The following CNTN5 variants were observed in gnomAD, a reference collection of about 807,000 sequenced individuals.
CNTN5 encodes the protein contactin-5.
In CNTN5, 77 loss-of-function variants were observed where a neutral mutation model predicts 129.1. That is an observed-to-expected ratio of 0.60 (90% CI 0.50 to 0.72). CNTN5 has a LOEUF of 0.72. Among genes scored for constraint, CNTN5 ranks in the 30% least tolerant of loss-of-function variants. The probability of loss-of-function intolerance (pLI) is 0.00; values close to 1 mark genes in which losing one functional copy is unlikely to be tolerated. For missense variants in CNTN5, 1,478 were observed against 1,328.8 expected, an observed-to-expected ratio of 1.11 and a Z score of -1.75; for synonymous variants, 509 against 465.6, an observed-to-expected ratio of 1.09 and a Z score of -1.20.
intron 13 of CNTN5, among the ~76,000 whole-genome samples, chr11:100,096,159 C>T (rs11222744): frequency 0.058 from 8,742 of 150,214 alleles, 841 homozygotes; most frequent in African/African-American, 0.21. Context: ...ACAAGAAACC[C>T]ATGTTTTTAT....
At chr11:99,977,105 C>T (rs1267816738) in intron 8 of CNTN5, among the ~76,000 whole-genome samples, 3 of 152,140 alleles carry the variant, frequency 2.0e-5, no homozygotes, top group South Asian at 4.1e-4. Context: ...TTCATAGTTC[C>T]ACAGATATCT....
rs183265827 is a variant in CNTN5 at position 99,173,813 on chromosome 11, C to A, written c.-209-151533C>A. 4.4e-3 allele frequency among the ~76,000 whole-genome samples: 669 copies of A among 152,178 alleles called. 1 individual carries two copies. Among genetic ancestry groups the A allele is most frequent in the Non-Finnish European group, 5.7e-3 (388 of 68,018 alleles). On this transcript the variant is annotated intron_variant, in intron 1 of 24. Transcript: ENST00000524871. ...TATTTGAATAAAATATTTAATGGAG[C>A]CATCAAAGCCTGAATATCAGTTATT... is the stretch of plus-strand genomic sequence containing the variant.
rs549115828 is a variant in CNTN5 at position 99,228,073 on chromosome 11, T to C, written c.-209-97273T>C. Among the ~76,000 whole-genome samples the C allele has an allele frequency of 5.3e-5, 8 of 152,294 alleles. No homozygotes were observed. The East Asian group carries it at 1.5e-3, about 29-fold the overall frequency. On this transcript the variant is annotated intron_variant, in intron 1 of 24. Coordinates refer to ENST00000524871, the MANE Select transcript of CNTN5 (RefSeq NM_014361.4). ...GTTGTTGGATATTTTCACTTTTTTT[T>C]TGAAACTGTAAAGAGAATTACGTTA...
In CNTN5 at chr11:99,946,886, T is replaced by A. The variant is rs888501477; in HGVS notation, c.674-9920T>A. Among the ~76,000 whole-genome samples the A allele has an allele frequency of 2.4e-4, 36 of 152,070 alleles. 1 individual carries two copies. The highest frequency in any genetic ancestry group is 1.7e-3 in the South Asian group (8 of 4,822). The stretch of plus-strand genomic sequence containing the variant: ...AAAAAAATTGTCTAGTAAGATATGA[T>A]GATGTCTACTTTGCAAATATATTTT... On this transcript the variant is annotated intron_variant, in intron 7 of 24. Coordinates refer to ENST00000524871, the MANE Select transcript of CNTN5 (RefSeq NM_014361.4).
intron 3 of CNTN5, among the ~76,000 whole-genome samples, chr11:99,737,877 TATC>T (rs1004520758): frequency 6.6e-6 from 1 of 152,136 alleles, no homozygotes; most frequent in East Asian, 1.9e-4. Flanking sequence ...TAAAATAAAA[TATC>T]ATACCATCGG....
At chr11:99,548,903 C>T (rs770784957) in intron 2 of CNTN5, among the ~76,000 whole-genome samples, 7 of 152,034 alleles carry the variant, frequency 4.6e-5, no homozygotes, top group Non-Finnish European at 8.8e-5. Flanking sequence ...AAAATCTTAG[C>T]AATTATCTAT....
rs10630841 is a variant in CNTN5 at position 99,433,361 on chromosome 11, T to TAA, written c.-71+107886_-71+107887dup. On this transcript the variant is annotated intron_variant, in intron 2 of 24. Coordinates refer to ENST00000524871, the MANE Select transcript of CNTN5 (RefSeq NM_014361.4). ...ATAATTTTCCTTGTAGTTTATCTGGTAAAAAAAAAATGTGTGTGTGTGTGT... is the reference window on the plus strand; with the variant it reads ...ATAATTTTCCTTGTAGTTTATCTGGTAAAAAAAAAAAATGTGTGTGTGTGTGT... 7.8e-3 allele frequency among the ~76,000 whole-genome samples: 1,042 copies of TAA among 133,616 alleles called. 18 individuals carry two copies. Among genetic ancestry groups the TAA allele is most frequent in the African/African-American group, 0.026 (917 of 35,094 alleles). 87.7% of individuals were successfully genotyped at this position (133,616 alleles called of 152,430 possible). A position where few individuals can be genotyped will look rare whatever the true frequency, so the allele number is the denominator to read the frequency against.
intron 4 of CNTN5, among the ~76,000 whole-genome samples, chr11:99,835,294 A>G (rs1362969854): frequency 6.6e-6 from 1 of 152,198 alleles, no homozygotes; most frequent in East Asian, 1.9e-4. Flanking sequence ...GCCTGAGTGA[A>G]AAAAGGAATG....
chr11:99,197,903 C>T (rs961027001), intron 1 of CNTN5, among the ~76,000 whole-genome samples: 3 of 152,042 alleles, frequency 2.0e-5, no homozygotes, highest in African/African-American at 7.2e-5. Flanking sequence ...AAATAAATGA[C>T]ATAATTTGGT....
chr11:99,935,803 T>G (rs1950303484), intron 7 of CNTN5, among the ~76,000 whole-genome samples: 1 of 152,156 alleles, frequency 6.6e-6, no homozygotes, highest in South Asian at 2.1e-4. Flanking sequence ...TGGTAATCTT[T>G]ACTATTACCC....
intron 1 of CNTN5, among the ~76,000 whole-genome samples, chr11:99,115,104 A>T (rs1233338195): frequency 1.3e-5 from 2 of 152,206 alleles, no homozygotes; most frequent in African/African-American, 4.8e-5. Flanking sequence ...TTTAGATTGG[A>T]CTTCTCAGCC....
At position 100,323,636 on chromosome 11, in the gene CNTN5, T is replaced by TC. The variant is rs1555069816; in HGVS notation, c.2730+15177dup. On this transcript the variant is annotated intron_variant, in intron 21 of 24. Transcript: ENST00000524871. Reference sequence around the variant, plus strand: ...TTCTGTCAGTATTTATATGTCCTCCTCCCCCCCCCTTCTTTTCATCACTCT... The same window carrying TC: ...TTCTGTCAGTATTTATATGTCCTCCTCCCCCCCCCCTTCTTTTCATCACTCT... 2.0e-3 allele frequency among the ~76,000 whole-genome samples: 252 copies of TC among 126,096 alleles called. 2 individuals carry two copies. Among genetic ancestry groups the TC allele is most frequent in the Middle Eastern group, 3.7e-3 (1 of 270 alleles). The allele number at this position is 126,096 out of a possible 152,430, so 82.7% of individuals were successfully genotyped here.
chr11:99,847,029 C>G (rs1947721477), intron 6 of CNTN5, among the ~76,000 whole-genome samples: 1 of 152,154 alleles, frequency 6.6e-6, no homozygotes, highest in South Asian at 2.1e-4. Flanking sequence ...CATAATAGCT[C>G]CTTTATTCAA....
chr11:99,857,385 G>T (rs946723853), intron 6 of CNTN5, among the ~76,000 whole-genome samples: 1 of 152,056 alleles, frequency 6.6e-6, no homozygotes, highest in Non-Finnish European at 1.5e-5. Context: ...CCCTCAAAAA[G>T]AATTCCCTTA....
At chr11:99,411,969 C>A (rs1453774306) in intron 2 of CNTN5, among the ~76,000 whole-genome samples, 1 of 152,000 alleles carries the variant, frequency 6.6e-6, no homozygotes, top group East Asian at 1.9e-4. Flanking sequence ...TAACTATGGG[C>A]CAGACAAGAT....
intron 7 of CNTN5, among the ~76,000 whole-genome samples, chr11:99,916,891 G>T (rs1008389524): frequency 5.3e-5 from 8 of 152,030 alleles, no homozygotes; most frequent in African/African-American, 1.9e-4. Flanking sequence ...GAAGAACCAA[G>T]GAATGAAGGC....
intron 3 of CNTN5, among the ~76,000 whole-genome samples, chr11:99,570,884 G>A (rs1949154460): frequency 6.6e-6 from 1 of 152,102 alleles, no homozygotes; most frequent in Admixed American, 6.6e-5. Flanking sequence ...CAATGAACAT[G>A]GAAATACAAG....
At chr11:99,973,552 G>A (rs1439192046) in intron 8 of CNTN5, among the ~76,000 whole-genome samples, 1 of 152,016 alleles carries the variant, frequency 6.6e-6, no homozygotes, top group African/African-American at 2.4e-5. Context: ...TGAATATCCA[G>A]TAAGGTATTT....
In CNTN5 at chr11:100,299,409, A is replaced by AT; in HGVS notation, c.2620+15dup. 6.8e-7 allele frequency: 1 copy of AT among 1,471,528 alleles called. No homozygotes were observed. The highest frequency in any genetic ancestry group is 9.3e-7 in the Non-Finnish European group (1 of 1,071,338). 91.2% of individuals were successfully genotyped at this position (1,471,528 alleles called of 1,614,324 possible). ...TCAGCTGAAGGAGGTCAGTTTTTTTATTCCTATTATTTTTATTTAACATTT... is the reference window on the plus strand; with the variant it reads ...TCAGCTGAAGGAGGTCAGTTTTTTTATTTCCTATTATTTTTATTTAACATTT... On this transcript the variant is annotated intron_variant, in intron 20 of 24. Coordinates refer to ENST00000524871, the MANE Select transcript of CNTN5 (RefSeq NM_014361.4).
Sources: allele counts gnomAD v4.1 joint callset (sites outside exome capture counted in the v4.1 genomes callset), GRCh38; gene constraint gnomAD v4.1.1; transcripts MANE v1.5; gene names NCBI Gene and HGNC (gene_info 2026-07-23, HGNC 2026-07-21).